The following NRG2 variants were observed in gnomAD, a reference collection of about 807,000 sequenced individuals.
NRG2 encodes the protein pro-neuregulin-2, membrane-bound isoform.
A neutral mutation model predicts 73.9 loss-of-function variants in NRG2; 27 were observed. That is an observed-to-expected ratio of 0.37 (90% confidence interval 0.27 to 0.50). NRG2 has a LOEUF of 0.50. Among genes scored for constraint, NRG2 ranks in the 20% least tolerant of loss-of-function variants. NRG2 has a pLI of 0.96. For synonymous variants in NRG2, 532 were observed against 541.0 expected (o/e 0.98, Z 0.23); for missense variants, 1,126 against 1,210.1 (o/e 0.93, Z 1.03).
chr5:139,872,041 T>G (rs1001629387), intron 3 of NRG2, among the ~76,000 whole-genome samples, 200 bp from the exon 4 acceptor site: 2 of 152,204 alleles, frequency 1.3e-5, no homozygotes, highest in African/African-American at 4.8e-5. Context: ...GTTTACCCAG[T>G]GCAACCTTGC....
intron 3 of NRG2, 50 bp downstream of exon 3, chr5:139,880,787 GGCTGGGGGGCCACTGGCCC>G: frequency 8.3e-7 from 1 of 1,211,464 alleles, no homozygotes; most frequent in East Asian, 2.4e-5. Context: ...AGGCCCCAAG[GGCTGGGGGGCCACTGGCCC>G]GCCCTGCCAA....
At chr5:139,938,949 GAAAGAAAGAAA>G (rs1753131524) in intron 1 of NRG2, among the ~76,000 whole-genome samples, 2 of 105,224 alleles carry the variant, frequency 1.9e-5, no homozygotes, top group East Asian at 2.6e-4. Context: ...AAGAAAGAAA[GAAAGAAAGAAA>G]AAAGAAGGAA....
chr5:139,914,983 C>G (rs915636919), intron 1 of NRG2, among the ~76,000 whole-genome samples: 4 of 152,208 alleles, frequency 2.6e-5, no homozygotes, highest in Non-Finnish European at 4.4e-5. Flanking sequence ...TCCCAGTGAG[C>G]CTTGGCCTTT....
chr5:139,921,812 A>T (rs1352774448), intron 1 of NRG2, among the ~76,000 whole-genome samples: 10 of 152,228 alleles, frequency 6.6e-5, no homozygotes, highest in Admixed American at 6.5e-5. Flanking sequence ...CTATAATTCC[A>T]GCACTTTGAC....
chr5:139,888,718 G>A (rs1054062869), intron 1 of NRG2, among the ~76,000 whole-genome samples: 1 of 152,144 alleles, frequency 6.6e-6, no homozygotes, highest in Non-Finnish European at 1.5e-5. Context: ...CACAGAGGAA[G>A]CACAGAAAGG....
intron 1 of NRG2, among the ~76,000 whole-genome samples, chr5:139,997,878 C>T (rs1177580151): frequency 6.6e-6 from 1 of 152,206 alleles, no homozygotes; most frequent in East Asian, 1.9e-4. Flanking sequence ...GGGCCATGGG[C>T]CGGGTTTCCC....
intron 1 of NRG2, among the ~76,000 whole-genome samples, chr5:139,991,953 A>G (rs1007973710): frequency 3.3e-5 from 5 of 152,194 alleles, no homozygotes; most frequent in Non-Finnish European, 7.4e-5. Flanking sequence ...CTCAATTACT[A>G]TAAGTTCATA....
At chr5:139,917,482 G>A (rs552834890) in intron 1 of NRG2, among the ~76,000 whole-genome samples, 101 of 152,140 alleles carry the variant, frequency 6.6e-4, no homozygotes, top group African/African-American at 2.3e-3. Flanking sequence ...GAACTCCTGG[G>A]CTCTAGTAAT....
At chr5:139,929,183 T>C (rs1319750997) in intron 1 of NRG2, among the ~76,000 whole-genome samples, 1 of 152,210 alleles carries the variant, frequency 6.6e-6, no homozygotes, top group Non-Finnish European at 1.5e-5. Context: ...CCTTTGTCAT[T>C]GTTCTGCCTC....
At chr5:140,001,255 G>A (rs532670782) in intron 1 of NRG2, among the ~76,000 whole-genome samples, 1 of 152,234 alleles carries the variant, frequency 6.6e-6, no homozygotes, top group Admixed American at 6.5e-5. Flanking sequence ...ATCGTGTATG[G>A]CATATTTGTT....
chr5:139,936,504 TG>T (rs1365928631), intron 1 of NRG2, among the ~76,000 whole-genome samples: 1 of 152,338 alleles, frequency 6.6e-6, no homozygotes, highest in East Asian at 1.9e-4. Context: ...CAATTGAGTT[TG>T]TAGTTAGAAC....
At position 139,869,522 on chromosome 5, in the gene NRG2, C is replaced by T. The variant is rs1212611857; in HGVS notation, c.1112+2199G>A. 2 of 152,362 alleles carry T rather than the reference C, an allele frequency of 1.3e-5. No individual in the cohort carries two copies. The highest frequency in any genetic ancestry group is 1.5e-5 in the Non-Finnish European group (1 of 68,122). 9.4% of individuals were successfully genotyped at this position (152,362 alleles called of 1,614,324 possible). A position where few individuals can be genotyped will look rare whatever the true frequency, so the allele number is the denominator to read the frequency against. On this transcript the variant is annotated intron_variant, in intron 4 of 9. Coordinates refer to ENST00000361474, the MANE Select transcript of NRG2 (RefSeq NM_004883.3). This position sits in a 1 kb window ranked among gnomAD's most constrained non-coding sequence, Gnocchi z 4.5. ...CTCTGGGCTCTGCCCTGCCCCCCAC[C>T]CCCCTGCCCTTCTCCAGCACAGCTC...
At position 139,949,306 on chromosome 5, in the gene NRG2, A is replaced by G. The variant is rs1347906203; in HGVS notation, c.701-61795T>C. On this transcript the variant is annotated intron_variant, in intron 1 of 9. Transcript: ENST00000361474. Reference sequence around the variant, plus strand: ...CATGCTATGTACAAACTATGATATCACTATTTTAGGGTTAAGGATTCAGAG... The same window carrying G: ...CATGCTATGTACAAACTATGATATCGCTATTTTAGGGTTAAGGATTCAGAG... Among the ~76,000 whole-genome samples the G allele has an allele frequency of 2.0e-5, 3 of 152,260 alleles. No individual in the cohort carries two copies. The East Asian group carries it at 5.8e-4, about 29-fold the overall frequency.
At chr5:139,874,170 G>A (rs902295256) in intron 3 of NRG2, among the ~76,000 whole-genome samples, 1 of 152,246 alleles carries the variant, frequency 6.6e-6, no homozygotes, top group Non-Finnish European at 1.5e-5. Flanking sequence ...CTGTAGCGCA[G>A]TTACACTGTT....
intron 1 of NRG2, among the ~76,000 whole-genome samples, chr5:140,019,786 G>A (rs1206954115): frequency 1.3e-5 from 2 of 151,278 alleles, no homozygotes; most frequent in East Asian, 3.8e-4. Flanking sequence ...ATAAATGTGA[G>A]TGTCTCTTTC....
chr5:139,903,490 G>T (rs1765017068), intron 1 of NRG2, among the ~76,000 whole-genome samples: 1 of 152,130 alleles, frequency 6.6e-6, no homozygotes, highest in South Asian at 2.1e-4. Context: ...TTCCCCAATT[G>T]GGCCCCAGTG....
rs529125055 is a variant in NRG2 at position 139,853,278 on chromosome 5, G to A, written c.1293-251C>T. On this transcript the variant is annotated intron_variant, in intron 6 of 9. Transcript: ENST00000361474. The surrounding 1 kb of genome is among the most constrained non-coding windows in gnomAD (Gnocchi z 4.1). Reference sequence around the variant, plus strand: ...CTGCTTTCTAGCTATGCAACCCCGGGCAAGTTACTTAAGCTCTTCACGTTT... The same window carrying A: ...CTGCTTTCTAGCTATGCAACCCCGGACAAGTTACTTAAGCTCTTCACGTTT... Among the ~76,000 whole-genome samples the A allele has an allele frequency of 7.9e-5, 12 of 152,282 alleles. No individual in the cohort carries two copies. In the South Asian group the frequency reaches 2.5e-3, roughly 32 times the overall value.
intron 1 of NRG2, among the ~76,000 whole-genome samples, chr5:140,034,065 T>C (rs1362157177): frequency 6.6e-6 from 1 of 152,044 alleles, no homozygotes; most frequent in East Asian, 1.9e-4. Context: ...TTCAAGTGAT[T>C]CTCCTGCCTC....
At chr5:139,978,617 A>T (rs1756551695) in intron 1 of NRG2, among the ~76,000 whole-genome samples, 1 of 152,234 alleles carries the variant, frequency 6.6e-6, no homozygotes, top group Admixed American at 6.5e-5. Flanking sequence ...AGGATTATAA[A>T]ACATGCTGCT....
Sources: allele counts gnomAD v4.1 joint callset (sites outside exome capture counted in the v4.1 genomes callset), GRCh38; gene constraint gnomAD v4.1.1; non-coding constraint Gnocchi (gnomAD v3.1); transcripts MANE v1.5; gene names NCBI Gene and HGNC (gene_info 2026-07-23, HGNC 2026-07-21).